Variants in NEK10 observed in about 807,000 individuals in gnomAD.
NEK10 encodes NIMA related kinase 10, also known as serine/threonine-protein kinase Nek10.
In NEK10, 122 loss-of-function variants were observed where a neutral mutation model predicts 159.8. The observed-to-expected ratio is 0.76, with a 90% CI of 0.66 to 0.89. The LOEUF (loss-of-function observed/expected upper bound fraction) is 0.89. Among genes scored for constraint, NEK10 ranks in the 40% least tolerant of loss-of-function variants. The pLI is 0.00. For synonymous variants in NEK10, 466 were observed against 457.1 expected (o/e 1.02, Z -0.25); for missense variants, 1,342 against 1,323.1 (o/e 1.01, Z -0.22).
chr3:27,317,544 T>TA (rs1384702879), intron 6 of NEK10, among the ~76,000 whole-genome samples: 63 of 152,018 alleles, frequency 4.1e-4, no homozygotes, highest in African/African-American at 1.3e-3. Flanking sequence ...GTTCCTTTTT[T>TA]AAAAAAAATA....
intron 3 of NEK10, among the ~76,000 whole-genome samples, chr3:27,350,076 A>T (rs954810011): frequency 6.6e-6 from 1 of 152,206 alleles, no homozygotes; most frequent in African/African-American, 2.4e-5. Context: ...TTTCCTCTGT[A>T]ACCTGAATTT....
At chr3:27,217,699 A>T (rs922677238) in intron 23 of NEK10, among the ~76,000 whole-genome samples, 1 of 152,208 alleles carries the variant, frequency 6.6e-6, no homozygotes, top group Admixed American at 6.5e-5. Context: ...ATCACAAGAA[A>T]GAAAACAGAC....
intron 5 of NEK10, among the ~76,000 whole-genome samples, chr3:27,331,262 A>AAAAAAAAAAAAAAAAAAAACACAC: frequency 4.5e-5 from 5 of 110,140 alleles, no homozygotes; most frequent in Admixed American, 1.2e-4. Flanking sequence ...AAAAAAAAAA[A>AAAAAAAAAAAAAAAAAAAACACAC]ACACACAAAC....
intron 13 of NEK10, among the ~76,000 whole-genome samples, 183 bp downstream of exon 13, chr3:27,301,513 T>G (rs890671888): frequency 1.3e-5 from 2 of 152,212 alleles, no homozygotes; most frequent in Admixed American, 1.3e-4. Flanking sequence ...AAACATTTGT[T>G]GTATCATTCA....
intron 13 of NEK10, among the ~76,000 whole-genome samples, chr3:27,298,241 T>C (rs895146201): frequency 1.3e-5 from 2 of 152,104 alleles, no homozygotes; most frequent in East Asian, 3.9e-4. Flanking sequence ...TGTGAAGTGA[T>C]TGAATTATGG....
At chr3:27,321,165 TA>T (rs11456881) in intron 6 of NEK10, among the ~76,000 whole-genome samples, 224 of 146,870 alleles carry the variant, frequency 1.5e-3, no homozygotes, top group Admixed American at 3.0e-3. Context: ...CTTTTTCAGT[TA>T]AAAAAAAAAA....
chr3:27,212,227 G>A (rs1951071179), intron 23 of NEK10, among the ~76,000 whole-genome samples: 1 of 152,126 alleles, frequency 6.6e-6, no homozygotes. Flanking sequence ...ATTAAAATCT[G>A]TGTTTTAAGA....
rs545786309 is a variant in NEK10 at position 27,175,101 on chromosome 3, CG to C, written c.2506-269del. Among the ~76,000 whole-genome samples, 28 of 152,136 alleles carry C rather than the reference CG, an allele frequency of 1.8e-4. No homozygotes were observed. The South Asian group carries it at 4.2e-3, about 23-fold the overall frequency. ...AGAAAAGGCCCATATAACCCAGTAG[CG>C]GGGGGAAATATGTACTTCTAGAAAT... is the stretch of plus-strand genomic sequence containing the variant. On this transcript the variant is annotated intron_variant, in intron 26 of 35. Transcript: ENST00000691995.
intron 1 of NEK10, among the ~76,000 whole-genome samples, chr3:27,359,851 T>C (rs2048561475): frequency 6.6e-6 from 1 of 152,244 alleles, no homozygotes; most frequent in Non-Finnish European, 1.5e-5. Flanking sequence ...GTTAAAGTGC[T>C]TTGAGAATAA....
At chr3:27,157,219 T>A (rs1369757086) in intron 30 of NEK10, among the ~76,000 whole-genome samples, 1 of 151,422 alleles carries the variant, frequency 6.6e-6, no homozygotes, top group Non-Finnish European at 1.5e-5. Flanking sequence ...AGACTACAAA[T>A]ATGGTGCAGT....
At chr3:27,304,999 G>A in intron 11 of NEK10, 28 bp from the exon 12 acceptor site, 2 of 1,347,154 alleles carry the variant, frequency 1.5e-6, no homozygotes, top group Non-Finnish European at 2.1e-6. Flanking sequence ...GGTGGGGTGA[G>A]AATCACAGCA....
At chr3:27,167,940 G>T (rs1388563442) in intron 29 of NEK10, among the ~76,000 whole-genome samples, 1 of 152,126 alleles carries the variant, frequency 6.6e-6, no homozygotes, top group Non-Finnish European at 1.5e-5. Flanking sequence ...TGGCTCATTT[G>T]CCCAAAAGCA....
At chr3:27,246,867 T>A (rs1215942854) in intron 23 of NEK10, among the ~76,000 whole-genome samples, 1 of 152,244 alleles carries the variant, frequency 6.6e-6, no homozygotes, top group Non-Finnish European at 1.5e-5. Flanking sequence ...GTAGCTCTCA[T>A]AAATGATATT....
intron 2 of NEK10, 46 bp downstream of exon 2, chr3:27,352,766 G>T: frequency 2.3e-6 from 3 of 1,293,810 alleles, no homozygotes; most frequent in Non-Finnish European, 3.4e-6. Flanking sequence ...CTGTTCAATG[G>T]CCACTGCCTG....
chr3:27,352,204 A>G (rs1417536056), intron 3 of NEK10, among the ~76,000 whole-genome samples: 1 of 152,168 alleles, frequency 6.6e-6, no homozygotes, highest in Non-Finnish European at 1.5e-5. Context: ...TACAGACCGA[A>G]GAGGAAAGGG....
intron 3 of NEK10, among the ~76,000 whole-genome samples, chr3:27,352,009 C>T (rs2048003562): frequency 2.0e-5 from 3 of 151,968 alleles, no homozygotes; most frequent in Non-Finnish European, 2.9e-5. Context: ...ACTCCTTGCC[C>T]CTCTGTTTGG....
chr3:27,295,547 C>A, intron 15 of NEK10, 66 bp downstream of exon 15: 1 of 1,508,114 alleles, frequency 6.6e-7, no homozygotes. Context: ...AATCATAGAT[C>A]ATTTTACCAT....
intron 5 of NEK10, among the ~76,000 whole-genome samples, chr3:27,325,917 C>A (rs686691): frequency 1.2e-4 from 19 of 152,118 alleles, no homozygotes; most frequent in Admixed American, 5.2e-4. Flanking sequence ...CTCCTCTGGC[C>A]CAAGCACCCT....
intron 23 of NEK10, among the ~76,000 whole-genome samples, chr3:27,249,017 G>T (rs1955388226): frequency 6.6e-6 from 1 of 152,130 alleles, no homozygotes; most frequent in Non-Finnish European, 1.5e-5. Flanking sequence ...ATCTTGAATT[G>T]TAATCCCTAT....
Sources: gnomAD v4.1 joint callset for allele counts (sites outside exome capture counted in the v4.1 genomes callset) on GRCh38, gnomAD v4.1.1 for gene constraint, MANE v1.5 for transcripts, NCBI Gene and HGNC (gene_info 2026-07-23, HGNC 2026-07-21) for gene names.